SLC12A2: variants seen among roughly 807,000 people sequenced by gnomAD.
The protein encoded by SLC12A2 is Na-K-2Cl cotransporter 1.
SLC12A2 carries 67 observed loss-of-function variants against 136.3 expected under a neutral mutation model. The ratio of observed to expected loss-of-function variants is 0.49; its 90% CI spans 0.40 to 0.60. The LOEUF (loss-of-function observed/expected upper bound fraction) is 0.60, where lower values mean the gene tolerates loss of function less well. Among genes scored for constraint, SLC12A2 ranks in the 20% least tolerant of loss-of-function variants. The pLI is 0.00. For synonymous variants in SLC12A2, 619 were observed against 562.9 expected (o/e 1.10, Z -1.41); for missense variants, 1,322 against 1,534.7 (o/e 0.86, Z 2.32).
chr5:128,125,889 A>C (rs941253297), intron 4 of SLC12A2, among the ~76,000 whole-genome samples: 11 of 152,152 alleles, frequency 7.2e-5, no homozygotes, highest in African/African-American at 2.7e-4. Flanking sequence ...ATCCTTGTAC[A>C]CATATCCACT....
intron 1 of SLC12A2, among the ~76,000 whole-genome samples, chr5:128,104,223 A>C (rs1411149845): frequency 6.6e-6 from 1 of 152,226 alleles, no homozygotes; most frequent in Non-Finnish European, 1.5e-5. Context: ...AATCCTAGAT[A>C]ATGTAGAAAC....
At chr5:128,177,934 C>G (rs1763584660) in intron 21 of SLC12A2, among the ~76,000 whole-genome samples, 1 of 152,144 alleles carries the variant, frequency 6.6e-6, no homozygotes, top group African/African-American at 2.4e-5. Context: ...TTTGAAGGAG[C>G]TCCCACCATC....
chr5:128,186,851 C>T lies in SLC12A2; in HGVS notation c.*220C>T, dbSNP rs10089. On this transcript the variant is annotated 3_prime_UTR_variant, in exon 27 of 27. Coordinates refer to ENST00000262461, the MANE Select transcript of SLC12A2 (RefSeq NM_001046.3). ...TCTCAATCTTAATGGTGATTCTTCT[C>T]TGTTGAACTGAAGTTTGTGAGAGTA... The T allele has an allele frequency of 0.22, 89,331 of 401,780 alleles. 10,394 individuals are homozygous for T. The highest frequency in any genetic ancestry group is 0.35 in the East Asian group (9,620 of 27,466). 24.9% of individuals were successfully genotyped at this position (401,780 alleles called of 1,614,324 possible). A position where few individuals can be genotyped will look rare whatever the true frequency, so the allele number is the denominator to read the frequency against.
intron 1 of SLC12A2, among the ~76,000 whole-genome samples, chr5:128,092,790 T>G (rs971871753): frequency 2.6e-5 from 4 of 152,168 alleles, no homozygotes; most frequent in Non-Finnish European, 1.5e-5. Context: ...ACAGTGTAGA[T>G]GTAAACAGTA....
intron 1 of SLC12A2, among the ~76,000 whole-genome samples, chr5:128,108,291 A>C (rs535867685): frequency 2.7e-4 from 41 of 152,314 alleles, no homozygotes; most frequent in African/African-American, 9.6e-4. Context: ...TGGTCCAGCA[A>C]TTCCACTCAT....
At chr5:128,115,428 G>C (rs1353030512) in intron 4 of SLC12A2, among the ~76,000 whole-genome samples, 1 of 151,924 alleles carries the variant, frequency 6.6e-6, no homozygotes, top group East Asian at 1.9e-4. Context: ...CCTGGCCCTG[G>C]GACTTTAAAT....
Position 128,158,452 on chromosome 5 carries a change from A to G in SLC12A2, c.2475+288A>G, listed in dbSNP as rs149080254. Among the ~76,000 whole-genome samples the G allele has an allele frequency of 7.1e-3, 1,080 of 152,054 alleles. 15 individuals are homozygous for G. The highest frequency in any genetic ancestry group is 0.01 in the Middle Eastern group (3 of 294). ...CCACTTAGAAGTGTGAACATGTGGTATTTTGTTTTGTGTTCCTGTGTTAGT... is the reference window on the plus strand; with the variant it reads ...CCACTTAGAAGTGTGAACATGTGGTGTTTTGTTTTGTGTTCCTGTGTTAGT... On this transcript the variant is annotated intron_variant, in intron 16 of 26. Coordinates refer to ENST00000262461, the MANE Select transcript of SLC12A2 (RefSeq NM_001046.3).
chr5:128,092,513 G>A (rs1201969665), intron 1 of SLC12A2, among the ~76,000 whole-genome samples: 3 of 152,034 alleles, frequency 2.0e-5, no homozygotes, highest in African/African-American at 7.2e-5. Context: ...AATATAATAT[G>A]AACTACATAT....
At position 128,153,415 on chromosome 5, in the gene SLC12A2, C is replaced by T. The variant is rs568820201; in HGVS notation, c.2363+610C>T. On this transcript the variant is annotated intron_variant, in intron 15 of 26. Transcript: ENST00000262461. ...ACTAAAAATACAAAAATTAGCCAGG[C>T]GTAGTGGCGCATGCCTGTAGTCCCA... Among the ~76,000 whole-genome samples the T allele has an allele frequency of 7.2e-5, 11 of 152,168 alleles. No individual in the cohort carries two copies. The East Asian group carries it at 1.7e-3, about 24-fold the overall frequency.
rs1763685896 is a variant in SLC12A2, at chr5:128,180,922, A to G, written c.3140A>G (p.Lys1047Arg). The G allele has an allele frequency of 2.5e-6, 4 of 1,612,506 alleles. No individual in the cohort carries two copies. The highest frequency in any genetic ancestry group is 4.5e-5 in the East Asian group (2 of 44,796). Residue 1047 changes from lysine to arginine, a missense_variant, in exon 23 of 27, where the codon AAA (lysine) becomes AGA (arginine). This residue lies in a region of SLC12A2 where 172 missense variants were observed against 227.4 expected (regional missense o/e 0.76). Coordinates refer to ENST00000262461, the MANE Select transcript of SLC12A2 (RefSeq NM_001046.3). ...LLIPYLLTTK[K>R]KWKDCKIRVF... Reference sequence around the variant, plus strand: ...ATACCTTACCTTCTGACGACCAAGAAAAAATGGAAAGACTGTAAGATCAGA... The same window carrying G: ...ATACCTTACCTTCTGACGACCAAGAGAAAATGGAAAGACTGTAAGATCAGA...
chr5:128,126,587 C>T (rs975859216), intron 4 of SLC12A2, among the ~76,000 whole-genome samples: 15 of 152,258 alleles, frequency 9.9e-5, no homozygotes, highest in African/African-American at 3.6e-4. Context: ...TTTGTTGCAG[C>T]ACTGTTCACA....
At chr5:128,183,083 G>A in intron 24 of SLC12A2, 142 bp downstream of exon 24, 1 of 549,826 alleles carries the variant, frequency 1.8e-6, no homozygotes. Flanking sequence ...ATTGATAGTT[G>A]GCATGCATAT....
chr5:128,101,241 T>TA (rs1026547289), intron 1 of SLC12A2, among the ~76,000 whole-genome samples: 1 of 151,948 alleles, frequency 6.6e-6, no homozygotes, highest in African/African-American at 2.4e-5. Context: ...AGTACTTGAT[T>TA]AAAAAAAATT....
intron 1 of SLC12A2, among the ~76,000 whole-genome samples, chr5:128,096,868 C>T (rs570781824): frequency 6.6e-6 from 1 of 152,084 alleles, no homozygotes; most frequent in South Asian, 2.1e-4. Context: ...CTTGCAGGAA[C>T]AGAAGATAAG....
At chr5:128,162,287 C>T (rs535807088) in intron 17 of SLC12A2, among the ~76,000 whole-genome samples, 16 of 151,912 alleles carry the variant, frequency 1.1e-4, no homozygotes, top group South Asian at 4.2e-4. Context: ...GACAGTTAGA[C>T]GAATGGCACA....
intron 10 of SLC12A2, among the ~76,000 whole-genome samples, chr5:128,144,643 G>A (rs1179880684): frequency 6.6e-6 from 1 of 152,026 alleles, no homozygotes. Flanking sequence ...CTCTTCTTAA[G>A]CCTCACTGCC....
intron 1 of SLC12A2, among the ~76,000 whole-genome samples, chr5:128,090,097 A>C (rs1760255316): frequency 6.6e-6 from 1 of 152,258 alleles, no homozygotes; most frequent in Admixed American, 6.5e-5. Flanking sequence ...AGGCTTACCC[A>C]TAATACTAAA....
chr5:128,149,638 C>A (rs1180331034), intron 12 of SLC12A2, among the ~76,000 whole-genome samples: 11 of 151,564 alleles, frequency 7.3e-5, no homozygotes, highest in Middle Eastern at 3.2e-3. Context: ...TGTAAAAGAT[C>A]AAATTTCAGA....
chr5:128,109,694 C>A, intron 1 of SLC12A2: 1 of 1,148,992 alleles, frequency 8.7e-7, no homozygotes, highest in Non-Finnish European at 1.3e-6. Flanking sequence ...AAAAGTCTTC[C>A]AGGTGAAAGT....
Sources: gnomAD v4.1 joint callset for allele counts (sites outside exome capture counted in the v4.1 genomes callset) on GRCh38, gnomAD v4.1.1 for gene constraint, gnomAD v4.1.1 regional missense constraint, MANE v1.5 for transcripts, NCBI Gene and HGNC (gene_info 2026-07-23, HGNC 2026-07-21) for gene names.